Variants in CNTNAP5 observed in about 807,000 individuals in gnomAD.
The protein encoded by CNTNAP5 is contactin associated protein family member 5, also known as contactin-associated protein-like 5.
In CNTNAP5, 72 loss-of-function variants were observed where a neutral mutation model predicts 150.2. The ratio of observed to expected loss-of-function variants is 0.48; its 90% CI spans 0.40 to 0.58. CNTNAP5 has a LOEUF of 0.58. Among genes scored for constraint, CNTNAP5 ranks in the 20% least tolerant of loss-of-function variants. CNTNAP5 has a pLI of 0.00. For synonymous variants in CNTNAP5, 672 were observed against 619.8 expected, an observed-to-expected ratio of 1.08 and a Z score of -1.25; for missense variants, 1,636 against 1,626.2, an observed-to-expected ratio of 1.01 and a Z score of -0.10.
intron 3 of CNTNAP5, among the ~76,000 whole-genome samples, chr2:124,291,500 A>G (rs1257041241): frequency 6.6e-6 from 1 of 151,938 alleles, no homozygotes; most frequent in Non-Finnish European, 1.5e-5. Flanking sequence ...AGTATTTGTA[A>G]TTCTGTACAC....
intron 1 of CNTNAP5, among the ~76,000 whole-genome samples, chr2:124,045,407 C>T (rs978605248): frequency 6.6e-6 from 1 of 151,334 alleles, no homozygotes; most frequent in African/African-American, 2.4e-5. Context: ...AAGTGATTCT[C>T]CTGCCTCAGC....
intron 3 of CNTNAP5, among the ~76,000 whole-genome samples, chr2:124,277,274 CATTTTCCTTATACCTGA>C (rs1687905653): frequency 6.6e-6 from 1 of 152,154 alleles, no homozygotes; most frequent in Admixed American, 6.6e-5. Context: ...CTCCTGGTCT[CATTTTCCTTATACCTGA>C]AGGGTAGAAA....
At chr2:124,246,852 T>C (rs1423555122) in intron 3 of CNTNAP5, among the ~76,000 whole-genome samples, 1 of 152,174 alleles carries the variant, frequency 6.6e-6, no homozygotes, top group African/African-American at 2.4e-5. Context: ...TATATTTTAT[T>C]AATATTAAAC....
At position 124,795,192 on chromosome 2, in the gene CNTNAP5, T is replaced by G. The variant is rs139960356; in HGVS notation, c.2993-2904T>G. Among the ~76,000 whole-genome samples the G allele has an allele frequency of 5.5e-4, 83 of 152,276 alleles. 1 individual carries two copies. The highest frequency in any genetic ancestry group is 3.4e-3 in the Middle Eastern group (1 of 294). On this transcript the variant is annotated intron_variant, in intron 18 of 23. Transcript: ENST00000682447. ...TTCACCCATCCCAAGACTGAATTCATCCTGATTTATATTTGAGTAATGTGA... is the reference window on the plus strand; with the variant it reads ...TTCACCCATCCCAAGACTGAATTCAGCCTGATTTATATTTGAGTAATGTGA...
intron 3 of CNTNAP5, 67 bp from the exon 4 acceptor site, chr2:124,417,375 CA>C (rs1691945666): frequency 6.5e-7 from 1 of 1,542,582 alleles, no homozygotes. Context: ...CGTGGAGTAA[CA>C]AATATGGTTT....
chr2:124,043,450 A>C (rs1214214610), intron 1 of CNTNAP5, among the ~76,000 whole-genome samples: 1 of 152,142 alleles, frequency 6.6e-6, no homozygotes, highest in Non-Finnish European at 1.5e-5. Flanking sequence ...CTTCATCATA[A>C]TTATTCCACA....
intron 22 of CNTNAP5, among the ~76,000 whole-genome samples, chr2:124,906,898 T>C (rs1678548912): frequency 6.6e-6 from 1 of 152,164 alleles, no homozygotes; most frequent in Admixed American, 6.6e-5. Context: ...ACACATCTTT[T>C]AAGCAGCTAC....
Position 124,300,220 on chromosome 2 carries a change from C to T in CNTNAP5, c.381+57827C>T, listed in dbSNP as rs774732978. 2.6e-5 allele frequency among the ~76,000 whole-genome samples: 4 copies of T among 152,190 alleles called. No homozygotes were observed. The South Asian group carries it at 6.2e-4, about 24-fold the overall frequency. On this transcript the variant is annotated intron_variant, in intron 3 of 23. Coordinates refer to ENST00000682447, the MANE Select transcript of CNTNAP5 (RefSeq NM_001367498.1). ...CACCTGTCTTTGATTACACTGACTTCCGTAGCATTTCCTCTTATCTTAGGT... is the reference window on the plus strand; with the variant it reads ...CACCTGTCTTTGATTACACTGACTTTCGTAGCATTTCCTCTTATCTTAGGT...
At chr2:124,178,094 G>A (rs573005859) in intron 1 of CNTNAP5, among the ~76,000 whole-genome samples, 3 of 152,066 alleles carry the variant, frequency 2.0e-5, no homozygotes, top group Admixed American at 6.6e-5. Context: ...TGATCCACCC[G>A]CCTCGGCCTC....
chr2:124,853,987 C>A (rs1182310444), intron 19 of CNTNAP5, among the ~76,000 whole-genome samples: 1 of 152,138 alleles, frequency 6.6e-6, no homozygotes, highest in African/African-American at 2.4e-5. Flanking sequence ...AAGACATGAT[C>A]TCATTCTTTT....
At chr2:124,384,050 A>G (rs1690868810) in intron 3 of CNTNAP5, among the ~76,000 whole-genome samples, 1 of 152,150 alleles carries the variant, frequency 6.6e-6, no homozygotes, top group Admixed American at 6.6e-5. Context: ...GTGGTTTAAT[A>G]TCTGTGTGTT....
intron 3 of CNTNAP5, among the ~76,000 whole-genome samples, chr2:124,415,751 G>A (rs1373236391): frequency 1.3e-5 from 2 of 152,098 alleles, no homozygotes; most frequent in Non-Finnish European, 2.9e-5. Flanking sequence ...AACGTTCTGG[G>A]GAAGGATGGT....
At chr2:124,082,019 C>A (rs918172751) in intron 1 of CNTNAP5, among the ~76,000 whole-genome samples, 5 of 152,114 alleles carry the variant, frequency 3.3e-5, no homozygotes, top group Non-Finnish European at 7.4e-5. Context: ...TGTTCTACAT[C>A]CTGTAATTTT....
In CNTNAP5 at chr2:124,771,861, C is replaced by T. The variant is rs1461093388; in HGVS notation, c.2534-938C>T. 4.6e-5 allele frequency among the ~76,000 whole-genome samples: 7 copies of T among 151,912 alleles called. No individual in the cohort carries two copies. In the East Asian group the frequency reaches 1.2e-3, roughly 25 times the overall value. On this transcript the variant is annotated intron_variant, in intron 16 of 23. Coordinates refer to ENST00000682447, the MANE Select transcript of CNTNAP5 (RefSeq NM_001367498.1). ...CTATCAACACCACCACTGCCAGTGC[C>T]ATCACTACCATCACCATTACCACCA...
rs537211040 is a variant in CNTNAP5, at chr2:124,875,647, AT to A, written c.3436+5892del. Among the ~76,000 whole-genome samples the A allele has an allele frequency of 2.1e-3, 304 of 145,746 alleles. 2 individuals carry two copies. Among genetic ancestry groups the A allele is most frequent in the African/African-American group, 7.0e-3 (278 of 39,568 alleles). On this transcript the variant is annotated intron_variant, in intron 21 of 23. Transcript: ENST00000682447. ...GCATATACTCAAGAAATGTTGGCTT[AT>A]TTTTTTCTTTACTTTCAAGGTTGTA...
chr2:124,778,457 C>G (rs1355066452), intron 17 of CNTNAP5: 1 of 152,766 alleles, frequency 6.5e-6, no homozygotes, highest in Non-Finnish European at 1.5e-5. Flanking sequence ...GCTTCGTCTA[C>G]CTTTTCCATG....
At chr2:124,045,367 C>T (rs770352104) in intron 1 of CNTNAP5, among the ~76,000 whole-genome samples, 16 of 148,866 alleles carry the variant, frequency 1.1e-4, no homozygotes, top group South Asian at 4.2e-4. Context: ...GGTGCAATCT[C>T]GTTCACTGTA....
chr2:124,255,265 C>A (rs572829743), intron 3 of CNTNAP5, among the ~76,000 whole-genome samples: 1 of 152,178 alleles, frequency 6.6e-6, no homozygotes, highest in African/African-American at 2.4e-5. Context: ...TAGCTCACAC[C>A]TGTAATCCCA....
chr2:124,290,227 T>A (rs1688251869), intron 3 of CNTNAP5, among the ~76,000 whole-genome samples: 1 of 152,150 alleles, frequency 6.6e-6, no homozygotes, highest in Non-Finnish European at 1.5e-5. Flanking sequence ...TAGCCGTTCC[T>A]GAAACTCGAT....
Sources: allele counts gnomAD v4.1 joint callset (sites outside exome capture counted in the v4.1 genomes callset), GRCh38; gene constraint gnomAD v4.1.1; transcripts MANE v1.5; gene names NCBI Gene and HGNC (gene_info 2026-07-23, HGNC 2026-07-21).